Variants in EEFSEC observed in about 807,000 individuals in gnomAD.
EEFSEC encodes eukaryotic elongation factor, selenocysteine-tRNA specific.
EEFSEC carries 43 observed loss-of-function variants against 42.1 expected under a neutral mutation model. That is an observed-to-expected ratio of 1.02 (90% CI 0.80 to 1.32). EEFSEC has a LOEUF of 1.32. Among genes scored for constraint, EEFSEC ranks in the 40% most tolerant of loss-of-function variants. The probability of loss-of-function intolerance (pLI) is 0.00; values close to 1 mark genes in which losing one functional copy is unlikely to be tolerated. For missense variants in EEFSEC, 745 were observed against 803.6 expected (o/e 0.93, Z 0.88); for synonymous variants, 354 against 339.1 (o/e 1.04, Z -0.48).
intron 4 of EEFSEC, among the ~76,000 whole-genome samples, chr3:128,328,391 A>C (rs2067088333): frequency 1.3e-5 from 2 of 152,208 alleles, no homozygotes; most frequent in Non-Finnish European, 2.9e-5. Context: ...GTCAGAATGC[A>C]GGTAGGCAAG....
chr3:128,182,888 G>GA, intron 1 of EEFSEC, among the ~76,000 whole-genome samples: 1 of 145,722 alleles, frequency 6.9e-6, no homozygotes, highest in African/African-American at 2.6e-5. Context: ...CGGGGCGGGG[G>GA]GGTGGGGTGG....
intron 1 of EEFSEC, among the ~76,000 whole-genome samples, chr3:128,233,293 A>C (rs1156979067): frequency 6.6e-6 from 1 of 152,238 alleles, no homozygotes; most frequent in African/African-American, 2.4e-5. Flanking sequence ...ACTTATGGTC[A>C]TGTAAAGTTG....
intron 4 of EEFSEC, among the ~76,000 whole-genome samples, chr3:128,280,751 C>T (rs1189604521): frequency 6.6e-6 from 1 of 152,240 alleles, no homozygotes. Flanking sequence ...ATTGGGGAAG[C>T]TCTGGGCACC....
chr3:128,288,839 T>G (rs1201701474), intron 4 of EEFSEC, among the ~76,000 whole-genome samples: 1 of 152,230 alleles, frequency 6.6e-6, no homozygotes, highest in African/African-American at 2.4e-5. Flanking sequence ...CATTTTCCAG[T>G]TTCAGTGAAG....
intron 4 of EEFSEC, among the ~76,000 whole-genome samples, chr3:128,309,533 G>A (rs2066868312): frequency 6.6e-6 from 1 of 152,186 alleles, no homozygotes; most frequent in African/African-American, 2.4e-5. Context: ...TTCAGATGGG[G>A]AAACTGAGGT....
At chr3:128,249,445 G>A (rs1158675917) in intron 2 of EEFSEC, among the ~76,000 whole-genome samples, 1 of 151,874 alleles carries the variant, frequency 6.6e-6, no homozygotes, top group East Asian at 1.9e-4. Context: ...ATAACATAAT[G>A]TTTATCATTT....
intron 5 of EEFSEC, among the ~76,000 whole-genome samples, chr3:128,347,986 C>T (rs930639053): frequency 1.1e-4 from 16 of 152,040 alleles, no homozygotes; most frequent in Non-Finnish European, 1.9e-4. Flanking sequence ...TGGCTTGGAA[C>T]ATTTACAAAA....
chr3:128,270,971 A>G (rs1337340684), intron 4 of EEFSEC, among the ~76,000 whole-genome samples: 1 of 152,184 alleles, frequency 6.6e-6, no homozygotes, highest in Non-Finnish European at 1.5e-5. Flanking sequence ...TATTCTCGGC[A>G]TCCATCCTGG....
chr3:128,413,056 G>A (rs889403201), downstream of EEFSEC, among the ~76,000 whole-genome samples: 8 of 152,136 alleles, frequency 5.3e-5, no homozygotes, highest in South Asian at 1.5e-3. Context: ...CAATGGCAGG[G>A]CCTGGAGGTC....
intron 1 of EEFSEC, among the ~76,000 whole-genome samples, chr3:128,216,687 T>C (rs1187362425): frequency 6.6e-6 from 1 of 152,236 alleles, no homozygotes; most frequent in Non-Finnish European, 1.5e-5. Context: ...TCCCAGTGAA[T>C]TGCTTGCAAG....
intron 1 of EEFSEC, among the ~76,000 whole-genome samples, chr3:128,165,589 A>G (rs1377455896): frequency 2.0e-5 from 3 of 152,158 alleles, no homozygotes; most frequent in Admixed American, 2.0e-4. Flanking sequence ...CCCTCTTTCC[A>G]TATCTCTTGT....
chr3:128,219,459 T>C (rs891527870), intron 1 of EEFSEC, among the ~76,000 whole-genome samples: 17 of 152,142 alleles, frequency 1.1e-4, no homozygotes, highest in African/African-American at 3.6e-4. Flanking sequence ...GCCACTTGGG[T>C]CTTCCTTCTC....
At chr3:128,394,931 T>C (rs1273636902) in intron 6 of EEFSEC, among the ~76,000 whole-genome samples, 1 of 152,174 alleles carries the variant, frequency 6.6e-6, no homozygotes, top group African/African-American at 2.4e-5. Context: ...TCCTTCCCCT[T>C]GGCCAGCCAT....
intron 5 of EEFSEC, among the ~76,000 whole-genome samples, chr3:128,357,013 C>T (rs1022684976): frequency 1.3e-5 from 2 of 152,218 alleles, no homozygotes; most frequent in Non-Finnish European, 1.5e-5. Flanking sequence ...AGCACATCAG[C>T]GGGATGCATT....
chr3:128,367,731 G>A (rs1271324744), intron 6 of EEFSEC: 1 of 985,268 alleles, frequency 1.0e-6, no homozygotes, highest in Non-Finnish European at 1.2e-6. Context: ...ACCACAGTTG[G>A]TGCTGTGGCC....
intron 4 of EEFSEC, among the ~76,000 whole-genome samples, chr3:128,270,712 C>T (rs1324895791): frequency 2.0e-5 from 3 of 152,240 alleles, no homozygotes; most frequent in Non-Finnish European, 4.4e-5. Context: ...CTGCCCTTCC[C>T]CCACCTCCAG....
chr3:128,370,305 G>T (rs967203142), intron 6 of EEFSEC, among the ~76,000 whole-genome samples: 1 of 152,204 alleles, frequency 6.6e-6, no homozygotes, highest in African/African-American at 2.4e-5. Context: ...TTGTTAGGAG[G>T]TTCAATGAGG....
intron 4 of EEFSEC, among the ~76,000 whole-genome samples, chr3:128,268,291 C>A (rs562969879): frequency 2.6e-5 from 4 of 152,298 alleles, no homozygotes; most frequent in Admixed American, 6.5e-5. Context: ...TAGAGTCTCA[C>A]CCCTACCTGA....
At chr3:128,374,388 G>GT (rs1341647418) in intron 6 of EEFSEC, among the ~76,000 whole-genome samples, 1 of 152,134 alleles carries the variant, frequency 6.6e-6, no homozygotes, top group African/African-American at 2.4e-5. Context: ...TTTTCCCACT[G>GT]TTTTTCGTTA....
Sources: allele counts gnomAD v4.1 joint callset (sites outside exome capture counted in the v4.1 genomes callset), GRCh38; gene constraint gnomAD v4.1.1; transcripts MANE v1.5; gene names NCBI Gene and HGNC (gene_info 2026-07-23, HGNC 2026-07-21).